NPTXR: variants seen among roughly 807,000 people sequenced by gnomAD.
NPTXR encodes the protein neuronal pentraxin receptor.
NPTXR carries 12 observed loss-of-function variants against 32.2 expected under a neutral mutation model. The observed-to-expected ratio is 0.37, with a 90% CI of 0.24 to 0.60. The LOEUF (loss-of-function observed/expected upper bound fraction) is 0.60, where lower values mean the gene tolerates loss of function less well. Among genes scored for constraint, NPTXR ranks in the 20% least tolerant of loss-of-function variants. The pLI is 0.66. For synonymous variants in NPTXR, 323 were observed against 315.8 expected (o/e 1.02, Z -0.24); for missense variants, 612 against 682.9 (o/e 0.90, Z 1.16).
chr22:38,823,153 C>T lies in NPTXR; in HGVS notation c.1208G>A (p.Gly403Asp). 6.2e-7 allele frequency: 1 copy of T among 1,614,146 alleles called. No individual in the cohort carries two copies. The highest frequency in any genetic ancestry group is 8.5e-7 in the Non-Finnish European group (1 of 1,180,024). Reference sequence around the variant, plus strand: ...CCAGGCAGCCAGGTTCTCACCGGAGCCCTGCAGCTCCCCGTCCTGGTAGGC... The same window carrying T: ...CCAGGCAGCCAGGTTCTCACCGGAGTCCTGCAGCTCCCCGTCCTGGTAGGC... Residue 403 changes from glycine to aspartate, a missense_variant, in exon 4 of 5, where the codon GGC (glycine) becomes GAC (aspartate). Gly to Asp is a moderately conservative substitution (Grantham distance 94). Coordinates refer to ENST00000333039, the MANE Select transcript of NPTXR (RefSeq NM_014293.4).
intron 1 of NPTXR, among the ~76,000 whole-genome samples, chr22:38,841,945 C>G (rs2093132301): frequency 6.6e-6 from 1 of 152,206 alleles, no homozygotes; most frequent in Admixed American, 6.5e-5. Context: ...TCTGCCACCT[C>G]TCTTAGGACG....
At chr22:38,829,042 G>C (rs1344963135) in intron 1 of NPTXR, among the ~76,000 whole-genome samples, 1 of 152,236 alleles carries the variant, frequency 6.6e-6, no homozygotes, top group Non-Finnish European at 1.5e-5. Flanking sequence ...GACCATACCA[G>C]GGTGACAGGT....
chr22:38,841,795 C>A (rs1360683987), intron 1 of NPTXR, among the ~76,000 whole-genome samples: 1 of 152,190 alleles, frequency 6.6e-6, no homozygotes. Flanking sequence ...ATTTTACAGG[C>A]GAGAAAACTA....
In NPTXR at chr22:38,826,720, G is replaced by A. The variant is rs1259596068; in HGVS notation, c.878C>T (p.Ala293Val). Reference sequence around the variant, plus strand: ...ACGGATGGGGATGCTGATCTTGAAGGCATCTGGAGGACTGTAGGCTGAGGA... The same window carrying A: ...ACGGATGGGGATGCTGATCTTGAAGACATCTGGAGGACTGTAGGCTGAGGA... The change falls in exon 3 of 5, where the codon GCC becomes GTC. Residue 293 changes from alanine (A) to valine (V), a missense_variant. Ala to Val is a moderately conservative substitution (Grantham distance 64). Coordinates refer to ENST00000333039, the MANE Select transcript of NPTXR (RefSeq NM_014293.4). The A allele has an allele frequency of 3.1e-6, 5 of 1,613,992 alleles. No homozygotes were observed. In the Admixed American group the frequency reaches 5.0e-5, roughly 16 times the overall value.
At chr22:38,828,223 T>C (rs2093110452) in intron 2 of NPTXR, 64 bp downstream of exon 2, 1 of 1,381,386 alleles carries the variant, frequency 7.2e-7, no homozygotes, top group Non-Finnish European at 1.0e-6. Context: ...CATGGATATA[T>C]TTTTTGAATG....
At chr22:38,830,649 G>A (rs1255890454) in intron 1 of NPTXR, among the ~76,000 whole-genome samples, 2 of 152,208 alleles carry the variant, frequency 1.3e-5, no homozygotes, top group East Asian at 1.9e-4. Flanking sequence ...TGTCCCACCT[G>A]TCCCTTGGCT....
Position 38,843,420 on chromosome 22 carries a change from C to T in NPTXR, c.439G>A (p.Asp147Asn). The T allele has an allele frequency of 9.3e-6, 13 of 1,398,510 alleles. No individual in the cohort carries two copies. The highest frequency in any genetic ancestry group is 4.1e-4 in the Middle Eastern group (2 of 4,848). 86.6% of individuals were successfully genotyped at this position (1,398,510 alleles called of 1,614,324 possible). A position where few individuals can be genotyped will look rare whatever the true frequency, so the allele number is the denominator to read the frequency against. Residue 147 changes from aspartate to asparagine, a missense_variant, in exon 1 of 5, where the codon GAC becomes AAC. Coordinates refer to ENST00000333039, the MANE Select transcript of NPTXR (RefSeq NM_014293.4). The surrounding 1 kb of genome is among the most constrained non-coding windows in gnomAD (Gnocchi z 5.3). ...GTGAGCTCACGGATGGTGTCCTGGT[C>T]GGCGCGGATGCGCGCCTCCTGCTGC... is the stretch of plus-strand genomic sequence containing the variant.
At chr22:38,831,583 C>T (rs919225981) in intron 1 of NPTXR, among the ~76,000 whole-genome samples, 2 of 152,120 alleles carry the variant, frequency 1.3e-5, no homozygotes, top group Non-Finnish European at 2.9e-5. Flanking sequence ...ACTGGATGGC[C>T]CACAGGGTGA....
At chr22:38,827,524 A>G (rs1193465958) in intron 2 of NPTXR, among the ~76,000 whole-genome samples, 2 of 152,036 alleles carry the variant, frequency 1.3e-5, no homozygotes, top group Non-Finnish European at 2.9e-5. Flanking sequence ...ATGAGCCACC[A>G]TGCCTGGGCC....
rs551945449 is a variant in NPTXR at position 38,826,426 on chromosome 22, G to A, written c.1098+74C>T. 5 of 1,499,560 alleles carry A rather than the reference G, an allele frequency of 3.3e-6. No homozygotes were observed. In the South Asian group the frequency reaches 3.8e-5, roughly 11 times the overall value. 92.9% of individuals were successfully genotyped at this position (1,499,560 alleles called of 1,614,324 possible). A position where few individuals can be genotyped will look rare whatever the true frequency, so the allele number is the denominator to read the frequency against. ...CAGGAGAATGAGCAGGAGAATGAAA[G>A]AGCCCAGTGTGGAGTGGGTGCTTCT... On this transcript the variant is annotated intron_variant, in intron 3 of 4. Coordinates refer to ENST00000333039, the MANE Select transcript of NPTXR (RefSeq NM_014293.4).
chr22:38,824,066 C>T (rs2146190857), intron 3 of NPTXR, among the ~76,000 whole-genome samples: 1 of 151,958 alleles, frequency 6.6e-6, no homozygotes, highest in African/African-American at 2.4e-5. Context: ...CAGCCTCCAT[C>T]TCCTGGTTCA....
At chr22:38,826,993 A>G (rs1238205834) in intron 2 of NPTXR, among the ~76,000 whole-genome samples, 2 of 152,156 alleles carry the variant, frequency 1.3e-5, no homozygotes, top group African/African-American at 4.8e-5. Context: ...CCGTCAACAA[A>G]TTAAACTTGT....
At chr22:38,839,671 T>C (rs1226724224) in intron 1 of NPTXR, among the ~76,000 whole-genome samples, 1 of 150,880 alleles carries the variant, frequency 6.6e-6, no homozygotes, top group African/African-American at 2.4e-5. Flanking sequence ...AAAGTCAATA[T>C]CCTCTGACCC....
At chr22:38,842,634 T>G (rs2093133238) in intron 1 of NPTXR, among the ~76,000 whole-genome samples, 1 of 152,152 alleles carries the variant, frequency 6.6e-6, no homozygotes, top group African/African-American at 2.4e-5. Context: ...TGTGTGAGGC[T>G]GGGCGCCTGG....
intron 1 of NPTXR, among the ~76,000 whole-genome samples, chr22:38,835,189 CG>C (rs1190896865): frequency 2.0e-5 from 3 of 152,220 alleles, no homozygotes; most frequent in Admixed American, 6.5e-5. Context: ...CCCATGGTTC[CG>C]CAGGTGGCGG....
chr22:38,838,742 T>C (rs990264479), intron 1 of NPTXR, among the ~76,000 whole-genome samples: 7 of 152,008 alleles, frequency 4.6e-5, no homozygotes, highest in Admixed American at 1.3e-4. Flanking sequence ...CCACCATGCC[T>C]GGCTAATTTT....
intron 1 of NPTXR, among the ~76,000 whole-genome samples, chr22:38,830,795 G>C (rs760244182): frequency 6.6e-6 from 1 of 152,164 alleles, no homozygotes; most frequent in Non-Finnish European, 1.5e-5. Context: ...TGGGGCAACA[G>C]ACACAAGTCA....
intron 1 of NPTXR, among the ~76,000 whole-genome samples, chr22:38,836,563 C>T (rs1000123646): frequency 2.0e-5 from 3 of 152,166 alleles, no homozygotes; most frequent in Non-Finnish European, 2.9e-5. Context: ...AAACTGACTA[C>T]GGTGACAGGA....
intron 1 of NPTXR, among the ~76,000 whole-genome samples, chr22:38,833,141 AG>A (rs751281766): frequency 1.3e-4 from 20 of 152,152 alleles, no homozygotes; most frequent in Admixed American, 4.6e-4. Flanking sequence ...GGGTCTGTTG[AG>A]GGTCAGGGTC....
Sources: gnomAD v4.1 joint callset for allele counts (sites outside exome capture counted in the v4.1 genomes callset) on GRCh38, gnomAD v4.1.1 for gene constraint, Gnocchi (gnomAD v3.1) non-coding constraint, MANE v1.5 for transcripts, NCBI Gene and HGNC (gene_info 2026-07-23, HGNC 2026-07-21) for gene names.